MPPED2: variants seen among roughly 807,000 people sequenced by gnomAD.
MPPED2 encodes metallophosphoesterase MPPED2.
A neutral mutation model predicts 33.0 loss-of-function variants in MPPED2; 5 were observed. The observed-to-expected ratio is 0.15, with a 90% CI of 0.08 to 0.32. MPPED2 has a LOEUF of 0.32. Among genes scored for constraint, MPPED2 ranks in the 10% least tolerant of loss-of-function variants. The pLI is 1.00. For synonymous variants in MPPED2, 136 were observed against 141.9 expected, an observed-to-expected ratio of 0.96 and a Z score of 0.29; for missense variants, 275 against 372.1, an observed-to-expected ratio of 0.74 and a Z score of 2.15.
At chr11:30,455,263 C>G (rs493826) in intron 4 of MPPED2, among the ~76,000 whole-genome samples, 54,677 of 152,114 alleles carry the variant, frequency 0.36, 14,382 homozygotes, top group African/African-American at 0.74. Context: ...AACCAGCCTA[C>G]TGTTTTCTGC....
At chr11:30,483,534 C>G (rs533316656) in intron 4 of MPPED2, among the ~76,000 whole-genome samples, 35 of 152,224 alleles carry the variant, frequency 2.3e-4, no homozygotes, top group African/African-American at 8.2e-4. Flanking sequence ...TAGCCTATTC[C>G]AACTAGTTAG....
At chr11:30,391,256 C>T (rs943932587) in intron 6 of MPPED2, among the ~76,000 whole-genome samples, 1 of 152,102 alleles carries the variant, frequency 6.6e-6, no homozygotes, top group African/African-American at 2.4e-5. Context: ...AGCTTTTTTG[C>T]TGAATGGCCT....
At chr11:30,572,879 A>G (rs1159826210) in intron 2 of MPPED2, among the ~76,000 whole-genome samples, 3 of 152,152 alleles carry the variant, frequency 2.0e-5, no homozygotes, top group African/African-American at 7.2e-5. Context: ...ACATGGACAA[A>G]TGTAAAGGTA....
intron 3 of MPPED2, among the ~76,000 whole-genome samples, chr11:30,535,408 C>T (rs548335217): frequency 6.6e-6 from 1 of 152,192 alleles, no homozygotes; most frequent in Admixed American, 6.5e-5. Flanking sequence ...CAGAAAATTG[C>T]TATTATCCTT....
At chr11:30,552,085 T>A (rs1955740910) in intron 2 of MPPED2, among the ~76,000 whole-genome samples, 1 of 152,148 alleles carries the variant, frequency 6.6e-6, no homozygotes, top group Non-Finnish European at 1.5e-5. Context: ...GGGAAAAAAA[T>A]CATGTCATTT....
chr11:30,430,525 A>G (rs1373272879), intron 4 of MPPED2, among the ~76,000 whole-genome samples: 1 of 152,226 alleles, frequency 6.6e-6, no homozygotes, highest in African/African-American at 2.4e-5. Flanking sequence ...TTATATTCAT[A>G]TCGGAAAATG....
chr11:30,389,087 T>TA, intron 6 of MPPED2: 1 of 1,286,874 alleles, frequency 7.8e-7, no homozygotes, highest in African/African-American at 1.5e-5. Context: ...AGCACCTCTC[T>TA]AGAGGACCAA....
intron 2 of MPPED2, among the ~76,000 whole-genome samples, chr11:30,552,491 C>A (rs899949046): frequency 6.6e-6 from 1 of 152,178 alleles, no homozygotes; most frequent in African/African-American, 2.4e-5. Flanking sequence ...ATTTTGGTAT[C>A]TTTCCATTTC....
At chr11:30,581,248 G>A (rs1411891599) in intron 1 of MPPED2, among the ~76,000 whole-genome samples, 1 of 152,200 alleles carries the variant, frequency 6.6e-6, no homozygotes, top group Admixed American at 6.5e-5. Context: ...GAGCGGTAAA[G>A]AAGGGCGGCC....
intron 1 of MPPED2, chr11:30,584,833 G>A (rs569496354): frequency 6.6e-6 from 1 of 152,292 alleles, no homozygotes; most frequent in South Asian, 2.1e-4. Flanking sequence ...GCGTTGGAAG[G>A]GGGTGTGGAG....
At chr11:30,566,600 T>C (rs1476809152) in intron 2 of MPPED2, among the ~76,000 whole-genome samples, 1 of 152,202 alleles carries the variant, frequency 6.6e-6, no homozygotes, top group Non-Finnish European at 1.5e-5. Context: ...CAGCACTCAC[T>C]TCCTGGGGAA....
chr11:30,515,468 A>G (rs1464539492), intron 3 of MPPED2, among the ~76,000 whole-genome samples: 1 of 152,152 alleles, frequency 6.6e-6, no homozygotes, highest in Admixed American at 6.6e-5. Context: ...ATGGGCAGTC[A>G]GGCTTAGGAG....
chr11:30,420,062 A>G (rs1242033109), intron 4 of MPPED2, among the ~76,000 whole-genome samples: 1 of 152,194 alleles, frequency 6.6e-6, no homozygotes, highest in Non-Finnish European at 1.5e-5. Context: ...AGATGTCTAC[A>G]TCCTAATACC....
intron 4 of MPPED2, among the ~76,000 whole-genome samples, chr11:30,471,155 G>A (rs1024483087): frequency 1.8e-4 from 27 of 152,054 alleles, no homozygotes; most frequent in African/African-American, 6.0e-4. Context: ...TGTCTTCTCC[G>A]CTTGTCTTGG....
At position 30,410,929 on chromosome 11, in the gene MPPED2, T is replaced by C. The variant is rs186523876; in HGVS notation, c.*539A>G. The C allele has an allele frequency of 2.3e-4, 222 of 985,816 alleles. 1 individual carries two copies. The Middle Eastern group carries it at 2.6e-3, about 12-fold the overall frequency. The allele number at this position is 985,816 out of a possible 1,614,324, so 61.1% of individuals were successfully genotyped here. ...TTTCTTCTCAATGCAGCTTTCTTTA[T>C]AGTGAGAGTATGAAAAGAAGTCTTT... On this transcript the variant is annotated 3_prime_UTR_variant, in exon 7 of 7. Coordinates refer to ENST00000358117, the MANE Select transcript of MPPED2 (RefSeq NM_001584.3).
intron 4 of MPPED2, among the ~76,000 whole-genome samples, chr11:30,428,268 C>T (rs1376691476): frequency 2.0e-5 from 3 of 152,192 alleles, no homozygotes; most frequent in Non-Finnish European, 2.9e-5. Context: ...TTTAAATGCA[C>T]ACAACATTAT....
chr11:30,527,324 A>C (rs767429155), intron 3 of MPPED2, among the ~76,000 whole-genome samples: 5 of 151,746 alleles, frequency 3.3e-5, no homozygotes, highest in Non-Finnish European at 7.4e-5. Flanking sequence ...CAGAAATCTT[A>C]AATGTGTGAA....
intron 4 of MPPED2, among the ~76,000 whole-genome samples, chr11:30,491,257 A>C (rs577738277): frequency 6.2e-4 from 95 of 152,322 alleles, no homozygotes; most frequent in African/African-American, 1.9e-3. Context: ...CATGCTCACA[A>C]ATATGTATTG....
chr11:30,533,300 T>C (rs1954632614), intron 3 of MPPED2, among the ~76,000 whole-genome samples: 1 of 152,098 alleles, frequency 6.6e-6, no homozygotes, highest in African/African-American at 2.4e-5. Context: ...GCCTGGCCTA[T>C]AGTAGAAACA....
Sources: allele counts gnomAD v4.1 joint callset (sites outside exome capture counted in the v4.1 genomes callset), GRCh38; gene constraint gnomAD v4.1.1; transcripts MANE v1.5; gene names NCBI Gene and HGNC (gene_info 2026-07-23, HGNC 2026-07-21).